The following INKA2 variants were observed in gnomAD, a reference collection of about 807,000 sequenced individuals.
INKA2 encodes PAK4-inhibitor INKA2.
Under a neutral mutation model 9.8 loss-of-function variants are expected in INKA2, and 3 were observed. The observed-to-expected ratio is 0.31, with a 90% CI of 0.14 to 0.79. The LOEUF (loss-of-function observed/expected upper bound fraction) is 0.79, where lower values mean the gene tolerates loss of function less well. Ranked by LOEUF, INKA2 falls within the 30% of genes least tolerant of loss-of-function variation. INKA2 has a pLI of 0.62. For synonymous variants in INKA2, 147 were observed against 143.3 expected (o/e 1.03, Z -0.18); for missense variants, 392 against 384.4 (o/e 1.02, Z -0.17).
chr1:111,737,330 G>A (rs779096345), intron 1 of INKA2, among the ~76,000 whole-genome samples: 43 of 152,218 alleles, frequency 2.8e-4, no homozygotes, highest in Middle Eastern at 3.4e-3. Flanking sequence ...GGCACTCGTA[G>A]TCTCTGTCTT....
chr1:111,741,598 A>C (rs1227299579), upstream of INKA2, among the ~76,000 whole-genome samples: 1 of 152,212 alleles, frequency 6.6e-6, no homozygotes, highest in African/African-American at 2.4e-5. Flanking sequence ...ATGGGGACAA[A>C]CACCACAAAA....
At chr1:111,738,669 G>T (rs1322021886) in intron 1 of INKA2, among the ~76,000 whole-genome samples, 1 of 152,254 alleles carries the variant, frequency 6.6e-6, no homozygotes, top group South Asian at 2.1e-4. Context: ...CAGAGCTGGG[G>T]GCCCAGGGTG....
Position 111,739,333 on chromosome 1 carries a change from C to T in INKA2, c.-91G>A. ...CTGCGCTCCGGGCCGGCTCCCCGCC[C>T]CTGCGCCCGTAGCGCTCGCAGCGCG... On this transcript the variant is annotated 5_prime_UTR_variant, in exon 1 of 2. Coordinates refer to ENST00000357260, the MANE Select transcript of INKA2 (RefSeq NM_019099.5). 1 of 1,578,060 alleles carries T rather than the reference C, an allele frequency of 6.3e-7. No homozygotes were observed. Among genetic ancestry groups the T allele is most frequent in the Non-Finnish European group, 8.6e-7 (1 of 1,162,284 alleles).
At chr1:111,748,683 G>A (rs999981196) in intron 1 of INKA2, among the ~76,000 whole-genome samples, 1 of 151,982 alleles carries the variant, frequency 6.6e-6, no homozygotes, top group African/African-American at 2.4e-5. Context: ...GACCTGATGC[G>A]ATGATCTTGC....
At position 111,722,855 on chromosome 1, in the gene INKA2, G is replaced by A. The variant is rs1662678278; in HGVS notation, c.*4113C>T. 2.0e-6 allele frequency: 1 copy of A among 494,448 alleles called. No homozygotes were observed. Among genetic ancestry groups the A allele is most frequent in the East Asian group, 3.6e-5 (1 of 28,008 alleles). The allele number at this position is 494,448 out of a possible 1,614,324, so 30.6% of individuals were successfully genotyped here. On this transcript the variant is annotated 3_prime_UTR_variant, in exon 2 of 2. Transcript: ENST00000357260. The stretch of plus-strand genomic sequence containing the variant: ...TTTTGCCTTGGGTCACATGGTTAGT[G>A]CCTCTACTAAGGGGATGGGTTGTCC...
At chr1:111,753,719 G>A (rs945048752) in intron 1 of INKA2, 14 of 152,176 alleles carry the variant, frequency 9.2e-5, no homozygotes, top group African/African-American at 3.4e-4. Flanking sequence ...TGTTTATTGG[G>A]TCTACCAGGT....
rs993097734 is a variant in INKA2 at position 111,728,761 on chromosome 1, A to G, written c.58-957T>C. On this transcript the variant is annotated intron_variant, in intron 1 of 1. Coordinates refer to ENST00000357260, the MANE Select transcript of INKA2 (RefSeq NM_019099.5). Reference sequence around the variant, plus strand: ...TTTAGACTTGGGTCCCATCCCTAAGATATCTTATTGTATATATACAAATAT... The same window carrying G: ...TTTAGACTTGGGTCCCATCCCTAAGGTATCTTATTGTATATATACAAATAT... Among the ~76,000 whole-genome samples, 4 of 152,348 alleles carry G rather than the reference A, an allele frequency of 2.6e-5. No individual in the cohort carries two copies. In the East Asian group the frequency reaches 7.7e-4, roughly 29 times the overall value.
intron 1 of INKA2, among the ~76,000 whole-genome samples, chr1:111,734,405 T>C (rs1662971744): frequency 1.3e-5 from 2 of 152,176 alleles, no homozygotes; most frequent in African/African-American, 4.8e-5. Flanking sequence ...TTCTTTTTTT[T>C]TCCTTTCTGG....
chr1:111,726,805 C>T lies in INKA2; in HGVS notation c.*163G>A. 1 of 746,292 alleles carries T rather than the reference C, an allele frequency of 1.3e-6. No homozygotes were observed. The highest frequency in any genetic ancestry group is 2.5e-5 in the East Asian group (1 of 40,220). The allele number at this position is 746,292 out of a possible 1,614,324, so 46.2% of individuals were successfully genotyped here. ...AAGACAGCCTCTCCCAACCACCTTCCCTTCAGTCCTGAGCCAAGAACTCTG... is the reference window on the plus strand; with the variant it reads ...AAGACAGCCTCTCCCAACCACCTTCTCTTCAGTCCTGAGCCAAGAACTCTG... On this transcript the variant is annotated 3_prime_UTR_variant, in exon 2 of 2. Coordinates refer to ENST00000357260, the MANE Select transcript of INKA2 (RefSeq NM_019099.5).
At chr1:111,745,293 A>ATATATATATATATATTTTTTTT (rs1358304932) in intron 1 of INKA2, 3 of 49,266 alleles carry the variant, frequency 6.1e-5, no homozygotes, top group Non-Finnish European at 1.1e-4. Context: ...ATATATATAT[A>ATATATATATATATATTTTTTTT]TTTTTTTTTT....
Position 111,727,080 on chromosome 1 carries a change from G to A in INKA2, c.782C>T (p.Pro261Leu). The change falls in exon 2 of 2, where the codon CCC (proline) becomes CTC (leucine). Residue 261 changes from proline to leucine, a missense_variant. Pro to Leu is a moderately conservative substitution (Grantham distance 98, BLOSUM62 -3). Coordinates refer to ENST00000357260, the MANE Select transcript of INKA2 (RefSeq NM_019099.5). ...RSLSKGSGHF[P>L]FPGTGEHRRG... ...CCTGTGCTCCCCGGTGCCTGGGAAG[G>A]GGAAATGTCCAGAGCCCTTGGAAAG... 1 of 1,614,176 alleles carries A rather than the reference G, an allele frequency of 6.2e-7. No individual in the cohort carries two copies. Among genetic ancestry groups the A allele is most frequent in the Non-Finnish European group, 8.5e-7 (1 of 1,180,042 alleles).
intron 1 of INKA2, among the ~76,000 whole-genome samples, chr1:111,731,553 T>C (rs1662905271): frequency 6.6e-6 from 1 of 152,138 alleles, no homozygotes; most frequent in South Asian, 2.1e-4. Flanking sequence ...GGTTTCACCA[T>C]GTTGCCTAGG....
rs1244792336 is a variant in INKA2, at chr1:111,739,188, G to C, written c.55C>G (p.Leu19Val). The change falls in exon 1 of 2, where the codon CTG becomes GTG. Residue 19 changes from leucine (L) to valine (V), a missense_variant and splice_region_variant. Leu to Val is a conservative substitution (Grantham distance 32, BLOSUM62 1). Transcript: ENST00000357260. The stretch of plus-strand genomic sequence containing the variant: ...CCCGGCGCCAGCTTCGCTCTTACCA[G>C]CTCCTGTTTGAGGCGACGGAGATAG... Reference protein sequence around the residue: ...DCYLRRLKQELMSMKEVGDGL... With the variant: ...DCYLRRLKQEVMSMKEVGDGL... The C allele has an allele frequency of 6.2e-7, 1 of 1,613,502 alleles. No homozygotes were observed. The highest frequency in any genetic ancestry group is 8.5e-7 in the Non-Finnish European group (1 of 1,179,628).
chr1:111,745,293 A>ATATATATATATTTATTTTTTTT (rs1358304932), intron 1 of INKA2: 1 of 49,272 alleles, frequency 2.0e-5, no homozygotes, highest in Non-Finnish European at 3.7e-5. Context: ...ATATATATAT[A>ATATATATATATTTATTTTTTTT]TTTTTTTTTT....
In INKA2 at chr1:111,745,265, T is replaced by TTTTATATATATATATATATATATATA. The variant is rs1553232613; in HGVS notation, n.124+10435_124+10436insTATATATATATATATATATATATAAA. On this transcript the variant is annotated intron_variant and non_coding_transcript_variant, in intron 1 of 1. Transcript: ENST00000444059. ...ACACACACACACACACACAGAGATATTATATATATATATATATATATATAT... is the reference window on the plus strand; with the variant it reads ...ACACACACACACACACACAGAGATATTTTATATATATATATATATATATATATATATATATATATATATATATATAT... 4 of 45,104 alleles carry TTTTATATATATATATATATATATATA rather than the reference T, an allele frequency of 8.9e-5. 1 individual carries two copies. Among genetic ancestry groups the TTTTATATATATATATATATATATATA allele is most frequent in the Non-Finnish European group, 1.2e-4 (3 of 24,880 alleles). The allele number at this position is 45,104 out of a possible 1,614,324, so 2.8% of individuals were successfully genotyped here.
chr1:111,748,169 CT>C (rs1663314902), intron 1 of INKA2, among the ~76,000 whole-genome samples: 1 of 152,336 alleles, frequency 6.6e-6, no homozygotes, highest in East Asian at 1.9e-4. Context: ...TAGCATTTTC[CT>C]GACGGCCCAT....
chr1:111,739,342 G>A lies in INKA2; in HGVS notation c.-100C>T, dbSNP rs1446639980. On this transcript the variant is annotated 5_prime_UTR_variant, in exon 1 of 2. The change creates a new upstream start codon in the 5' untranslated region. Coordinates refer to ENST00000357260, the MANE Select transcript of INKA2 (RefSeq NM_019099.5). ...GGGCCGGCTCCCCGCCCCTGCGCCC[G>A]TAGCGCTCGCAGCGCGGAGCTGAGC... is the stretch of plus-strand genomic sequence containing the variant. 6.4e-7 allele frequency: 1 copy of A among 1,568,788 alleles called. No homozygotes were observed. Among genetic ancestry groups the A allele is most frequent in the Non-Finnish European group, 8.6e-7 (1 of 1,157,714 alleles).
chr1:111,734,779 A>C lies in INKA2; in HGVS notation c.57+4407T>G, dbSNP rs74732405. 8.6e-3 allele frequency among the ~76,000 whole-genome samples: 1,308 copies of C among 152,264 alleles called. 15 individuals carry two copies. The highest frequency in any genetic ancestry group is 0.03 in the African/African-American group (1,259 of 41,534). ...GTGCGTGTCCCTATTTATCCCTCAA[A>C]GTCTAGTTCAAATGCTACCTCTTCC... On this transcript the variant is annotated intron_variant, in intron 1 of 1. Transcript: ENST00000357260.
At chr1:111,739,670 G>T (rs975929284), upstream of INKA2, among the ~76,000 whole-genome samples, 1 of 152,348 alleles carries the variant, frequency 6.6e-6, no homozygotes, top group East Asian at 1.9e-4. Context: ...TGACCCTCGT[G>T]TGGTCATAAA....
Sources: allele counts gnomAD v4.1 joint callset (sites outside exome capture counted in the v4.1 genomes callset), GRCh38; gene constraint gnomAD v4.1.1; transcripts MANE v1.5; gene names NCBI Gene and HGNC (gene_info 2026-07-23, HGNC 2026-07-21).